The following SLC23A2 variants were observed in gnomAD, a reference collection of about 807,000 sequenced individuals.
The protein encoded by SLC23A2 is Na(+)/L-ascorbic acid transporter 2.
Under a neutral mutation model 73.3 loss-of-function variants are expected in SLC23A2, and 36 were observed. The ratio of observed to expected loss-of-function variants is 0.49; its 90% CI spans 0.38 to 0.65. The LOEUF (loss-of-function observed/expected upper bound fraction) is 0.65. Among genes scored for constraint, SLC23A2 ranks in the 30% least tolerant of loss-of-function variants. The pLI is 0.00. For missense variants in SLC23A2, 507 were observed against 841.6 expected, an observed-to-expected ratio of 0.60 and a Z score of 4.92; for synonymous variants, 343 against 327.3, an observed-to-expected ratio of 1.05 and a Z score of -0.52.
chr20:4,919,988 C>A (rs1452322451), intron 3 of SLC23A2, among the ~76,000 whole-genome samples: 1 of 152,204 alleles, frequency 6.6e-6, no homozygotes, highest in African/African-American at 2.4e-5. Context: ...AGGCCGGGTG[C>A]GGTGGCTCAC....
intron 1 of SLC23A2, among the ~76,000 whole-genome samples, chr20:4,987,737 A>T (rs565446288): frequency 2.2e-3 from 335 of 151,804 alleles, no homozygotes; most frequent in Non-Finnish European, 3.8e-3. Context: ...AGTCCCAGCT[A>T]CTCGGGAGGC....
Position 4,853,704 on chromosome 20 carries a change from C to A in SLC23A2, c.*3268G>T, listed in dbSNP as rs1929609096. The A allele has an allele frequency of 6.6e-6, 1 of 152,548 alleles. No individual in the cohort carries two copies. The highest frequency in any genetic ancestry group is 6.5e-5 in the Admixed American group (1 of 15,270). 9.4% of individuals were successfully genotyped at this position (152,548 alleles called of 1,614,324 possible). ...CGGTATTCTACAGCATAAAGCAAAACCTCTGTGCGAATTTGTTACCATGAA... is the reference window on the plus strand; with the variant it reads ...CGGTATTCTACAGCATAAAGCAAAAACTCTGTGCGAATTTGTTACCATGAA... On this transcript the variant is annotated 3_prime_UTR_variant, in exon 17 of 17. Coordinates refer to ENST00000338244, the MANE Select transcript of SLC23A2 (RefSeq NM_005116.6).
chr20:4,977,028 T>C (rs1420205344), intron 1 of SLC23A2, among the ~76,000 whole-genome samples: 1 of 152,064 alleles, frequency 6.6e-6, no homozygotes, highest in Non-Finnish European at 1.5e-5. Flanking sequence ...TCTAGAAAAG[T>C]AATTAGATGA....
In SLC23A2 at chr20:4,853,891, T is replaced by TG. The variant is rs1220238580; in HGVS notation, c.*3080dup. ...TGTGAATCTACATTTAACTTCCTAA[T>TG]GAGAATGAAAATTGCTTACAAAGAC... On this transcript the variant is annotated 3_prime_UTR_variant, in exon 17 of 17. Transcript: ENST00000338244. The TG allele has an allele frequency of 6.6e-6, 1 of 152,240 alleles. No individual in the cohort carries two copies. The highest frequency in any genetic ancestry group is 1.5e-5 in the Non-Finnish European group (1 of 68,038). The allele number at this position is 152,240 out of a possible 1,614,324, so 9.4% of individuals were successfully genotyped here.
chr20:4,921,906 G>A (rs1932510691), intron 3 of SLC23A2, among the ~76,000 whole-genome samples: 1 of 152,102 alleles, frequency 6.6e-6, no homozygotes, highest in South Asian at 2.1e-4. Context: ...TAAAACCTAG[G>A]GAGAACTATG....
At chr20:4,907,279 T>G (rs1301135845) in intron 4 of SLC23A2, among the ~76,000 whole-genome samples, 1 of 152,002 alleles carries the variant, frequency 6.6e-6, no homozygotes, top group Non-Finnish European at 1.5e-5. Context: ...GACAAGATAG[T>G]GACATCTATA....
At chr20:4,935,972 T>A (rs1049234225) in intron 2 of SLC23A2, among the ~76,000 whole-genome samples, 1 of 152,208 alleles carries the variant, frequency 6.6e-6, no homozygotes, top group Non-Finnish European at 1.5e-5. Context: ...GTCCTTCGCC[T>A]ATTTTCTATA....
chr20:4,946,163 C>T (rs1389659317), intron 2 of SLC23A2, among the ~76,000 whole-genome samples: 1 of 152,112 alleles, frequency 6.6e-6, no homozygotes, highest in Non-Finnish European at 1.5e-5. Flanking sequence ...TTAAAGGAAG[C>T]CAGATAAAAC....
chr20:4,943,738 T>A (rs923065491), intron 2 of SLC23A2, among the ~76,000 whole-genome samples: 1 of 150,960 alleles, frequency 6.6e-6, no homozygotes, highest in African/African-American at 2.4e-5. Context: ...AATTTGACAC[T>A]GTTTTATTTA....
chr20:4,906,238 C>G (rs968256063), intron 4 of SLC23A2, among the ~76,000 whole-genome samples: 16 of 152,038 alleles, frequency 1.1e-4, no homozygotes, highest in African/African-American at 3.9e-4. Context: ...GCTCAGGAGT[C>G]TGAGGTAGGA....
At chr20:4,983,061 C>T (rs550143477) in intron 1 of SLC23A2, among the ~76,000 whole-genome samples, 95 of 151,862 alleles carry the variant, frequency 6.3e-4, no homozygotes, top group Middle Eastern at 6.8e-3. Context: ...GTCAAAATCG[C>T]GCCATTGCAC....
At chr20:4,997,172 T>G (rs181342342) in intron 1 of SLC23A2, among the ~76,000 whole-genome samples, 1 of 152,264 alleles carries the variant, frequency 6.6e-6, no homozygotes, top group East Asian at 1.9e-4. Flanking sequence ...GCCTTCAATC[T>G]GTCTCACACA....
In SLC23A2 at chr20:4,878,084, C is replaced by T. The variant is rs192308779; in HGVS notation, c.825-3388G>A. ...GCCAAATGGCTACTCCTATCACACC[C>T]TTCATCTATTACTCCACTGGGATTC... On this transcript the variant is annotated intron_variant, in intron 9 of 16. Coordinates refer to ENST00000338244, the MANE Select transcript of SLC23A2 (RefSeq NM_005116.6). Among the ~76,000 whole-genome samples the T allele has an allele frequency of 6.0e-3, 914 of 152,326 alleles. 4 individuals are homozygous for T. The highest frequency in any genetic ancestry group is 8.3e-3 in the Non-Finnish European group (566 of 68,028).
intron 6 of SLC23A2, among the ~76,000 whole-genome samples, chr20:4,888,551 G>A (rs1186557155): frequency 6.6e-6 from 1 of 152,144 alleles, no homozygotes; most frequent in Non-Finnish European, 1.5e-5. Flanking sequence ...CCTCAGGACA[G>A]CAGGAGAACC....
intron 13 of SLC23A2, 132 bp downstream of exon 13, chr20:4,867,625 TAAAAAAAAAAAAA>T (rs11476144): frequency 3.6e-6 from 1 of 279,722 alleles, no homozygotes; most frequent in African/African-American, 3.1e-5. Flanking sequence ...TATAAACACT[TAAAAAAAAAAAAA>T]AAAAAAAAAA....
chr20:5,004,304 C>G (rs2088166317), upstream of SLC23A2, among the ~76,000 whole-genome samples: 3 of 152,122 alleles, frequency 2.0e-5, no homozygotes, highest in Non-Finnish European at 2.9e-5. Flanking sequence ...GAGTCCTTGC[C>G]CCATAGCCTA....
At chr20:4,996,685 C>CAAAAAAAAAAAAAAAAAA (rs1555809857) in intron 1 of SLC23A2, among the ~76,000 whole-genome samples, 1 of 54,772 alleles carries the variant, frequency 1.8e-5, no homozygotes. Context: ...GATTCCATCT[C>CAAAAAAAAAAAAAAAAAA]AAAAAAAAAA....
intron 2 of SLC23A2, among the ~76,000 whole-genome samples, chr20:4,961,373 C>T (rs577368461): frequency 1.1e-4 from 16 of 152,172 alleles, no homozygotes; most frequent in East Asian, 5.8e-4. Flanking sequence ...TGAGCCACCA[C>T]GCCTGGCCTA....
intron 1 of SLC23A2, among the ~76,000 whole-genome samples, chr20:4,997,285 A>G (rs1397750997): frequency 6.6e-6 from 1 of 152,156 alleles, no homozygotes; most frequent in African/African-American, 2.4e-5. Context: ...AAAATCTACC[A>G]GCCTTACAGT....
Sources: allele counts gnomAD v4.1 joint callset (sites outside exome capture counted in the v4.1 genomes callset), GRCh38; gene constraint gnomAD v4.1.1; transcripts MANE v1.5; gene names NCBI Gene and HGNC (gene_info 2026-07-23, HGNC 2026-07-21).